The following GABRA3 variants were observed in gnomAD, a reference collection of about 807,000 sequenced individuals.
The protein encoded by GABRA3 is gamma-aminobutyric acid type A receptor subunit alpha3, also known as gamma-aminobutyric acid receptor subunit alpha-3.
GABRA3 carries 10 observed loss-of-function variants against 30.1 expected under a neutral mutation model. That is an observed-to-expected ratio of 0.33 (90% confidence interval 0.20 to 0.56). The LOEUF (loss-of-function observed/expected upper bound fraction) is 0.56, where lower values mean the gene tolerates loss of function less well. Ranked by LOEUF, GABRA3 falls within the 20% of genes least tolerant of loss-of-function variation. The probability of loss-of-function intolerance (pLI) is 0.89; values close to 1 mark genes in which losing one functional copy is unlikely to be tolerated. For synonymous variants in GABRA3, 151 were observed against 146.8 expected, an observed-to-expected ratio of 1.03 and a Z score of -0.21; for missense variants, 233 against 392.0, an observed-to-expected ratio of 0.59 and a Z score of 3.42.
chrX:152,372,726 C>T (rs778684251), intron 1 of GABRA3, among the ~76,000 whole-genome samples: 18 of 112,074 alleles, frequency 1.6e-4, no homozygotes, highest in South Asian at 7.5e-4. Context: ...ACCTTTCCCC[C>T]ATGCCCTTTC....
chrX:152,248,883 T>A (rs1408961581), intron 5 of GABRA3, among the ~76,000 whole-genome samples: 1 of 111,857 alleles, frequency 8.9e-6, no homozygotes, highest in Non-Finnish European at 1.9e-5. Flanking sequence ...TTAGCTAGAT[T>A]TAATTATTCT....
At chrX:152,180,180 A>T (rs1937126850) in intron 9 of GABRA3, among the ~76,000 whole-genome samples, 1 of 112,074 alleles carries the variant, frequency 8.9e-6, no homozygotes, top group Non-Finnish European at 1.9e-5. Flanking sequence ...GTGTGGAAGG[A>T]TTCCCTTTTC....
chrX:152,436,916 T>G (rs1401093069), intron 1 of GABRA3, among the ~76,000 whole-genome samples: 1 of 111,350 alleles, frequency 9.0e-6, no homozygotes, highest in Non-Finnish European at 1.9e-5. Context: ...GCAGAAAATA[T>G]TTCCAAAACA....
At chrX:152,332,706 C>T (rs1306999564) in intron 3 of GABRA3, among the ~76,000 whole-genome samples, 4 of 111,755 alleles carry the variant, frequency 3.6e-5, no homozygotes, top group African/African-American at 1.3e-4. Context: ...CTGTAAAAGC[C>T]CTGTTCTCTG....
intron 1 of GABRA3, among the ~76,000 whole-genome samples, chrX:152,386,592 A>G (rs1441123276): frequency 3.7e-5 from 4 of 107,935 alleles, no homozygotes; most frequent in African/African-American, 1.0e-4. Context: ...CGAAACCACA[A>G]TGAGATACCA....
intron 1 of GABRA3, among the ~76,000 whole-genome samples, chrX:152,423,239 T>A (rs1930420618): frequency 8.9e-6 from 1 of 111,971 alleles, no homozygotes; most frequent in Non-Finnish European, 1.9e-5. Flanking sequence ...TGGGCACAAA[T>A]GGTAAAGAGA....
chrX:152,236,548 T>C (rs1197863738), intron 5 of GABRA3, among the ~76,000 whole-genome samples: 1 of 97,999 alleles, frequency 1.0e-5, no homozygotes, highest in Non-Finnish European at 2.1e-5. Context: ...TTTCCAGTTC[T>C]AGATCCCTGA....
rs766560970 is a variant in GABRA3 at position 152,298,859 on chromosome X, T to C, written c.263-14124A>G. On this transcript the variant is annotated intron_variant, in intron 3 of 9. Transcript: ENST00000370314. ...CCCACCAACAGTATAAAAGTGTTCC[T>C]ATTTCTCCACATCCTCTCCAGCACC... Among the ~76,000 whole-genome samples, 23 of 112,241 alleles carry C rather than the reference T, an allele frequency of 2.0e-4. 1 individual carries two copies. In the South Asian group the frequency reaches 6.3e-3, roughly 31 times the overall value.
At chrX:152,187,725 T>C (rs1033410358) in intron 9 of GABRA3, among the ~76,000 whole-genome samples, 11 of 111,774 alleles carry the variant, frequency 9.8e-5, no homozygotes, top group African/African-American at 3.6e-4. Context: ...CAGCTACTCA[T>C]TACTATCCTG....
rs762776383 is a variant in GABRA3 at position 152,304,371 on chromosome X, C to T, written c.263-19636G>A. On this transcript the variant is annotated intron_variant, in intron 3 of 9. Transcript: ENST00000370314. ...TTTTGAGGACTTAGCCATGTATTTA[C>T]CATGGCTGATGTTGAGAAGGGTATT... Among the ~76,000 whole-genome samples the T allele has an allele frequency of 4.5e-5, 5 of 112,015 alleles. No individual in the cohort carries two copies. In the South Asian group the frequency reaches 1.9e-3, roughly 42 times the overall value.
chrX:152,416,949 C>G (rs1205870938), intron 1 of GABRA3, among the ~76,000 whole-genome samples: 1 of 105,642 alleles, frequency 9.5e-6, no homozygotes, highest in Non-Finnish European at 1.9e-5. Flanking sequence ...CTTTACCATT[C>G]AGGACATAGG....
intron 3 of GABRA3, among the ~76,000 whole-genome samples, chrX:152,292,259 C>G (rs970539759): frequency 1.8e-5 from 2 of 111,219 alleles, no homozygotes; most frequent in Non-Finnish European, 3.8e-5. Flanking sequence ...GTGTATGTGT[C>G]GAGGAATTTA....
chrX:152,417,878 G>C (rs1430113121), intron 1 of GABRA3, among the ~76,000 whole-genome samples: 6 of 76,105 alleles, frequency 7.9e-5, no homozygotes, highest in African/African-American at 3.0e-4. Flanking sequence ...ACTGTTGTGG[G>C]GTGGGGGGAG....
chrX:152,301,478 C>A (rs1758787192), intron 3 of GABRA3, among the ~76,000 whole-genome samples: 1 of 111,734 alleles, frequency 8.9e-6, no homozygotes, highest in South Asian at 3.7e-4. Flanking sequence ...TTTTTAAATT[C>A]TTTAAAATAG....
intron 1 of GABRA3, among the ~76,000 whole-genome samples, chrX:152,419,260 G>A (rs1277010185): frequency 3.6e-5 from 4 of 110,801 alleles, no homozygotes; most frequent in African/African-American, 1.3e-4. Flanking sequence ...CCTGCACGTT[G>A]TGCACATGTA....
At chrX:152,442,964 C>T (rs1481301862) in intron 1 of GABRA3, among the ~76,000 whole-genome samples, 1 of 111,242 alleles carries the variant, frequency 9.0e-6, no homozygotes, top group Non-Finnish European at 1.9e-5. Context: ...AACACGAATT[C>T]ATCAGAAGAA....
At chrX:152,280,186 T>C (rs759390401) in intron 4 of GABRA3, among the ~76,000 whole-genome samples, 2 of 111,579 alleles carry the variant, frequency 1.8e-5, no homozygotes, top group South Asian at 3.8e-4. Flanking sequence ...CCCTCTCTTA[T>C]TGGCATTGTT....
At chrX:152,221,293 T>A (rs925374674) in intron 6 of GABRA3, among the ~76,000 whole-genome samples, 1 of 110,279 alleles carries the variant, frequency 9.1e-6, no homozygotes, top group Non-Finnish European at 1.9e-5. Flanking sequence ...TTTTTGTTTA[T>A]CATGTGATGT....
At chrX:152,398,526 C>G (rs1929717187) in intron 1 of GABRA3, among the ~76,000 whole-genome samples, 1 of 111,214 alleles carries the variant, frequency 9.0e-6, no homozygotes, top group Admixed American at 9.6e-5. Context: ...TGCCACCCAT[C>G]TAACAACCTG....
Sources: allele counts gnomAD v4.1 joint callset (sites outside exome capture counted in the v4.1 genomes callset), GRCh38; gene constraint gnomAD v4.1.1; transcripts MANE v1.5; gene names NCBI Gene and HGNC (gene_info 2026-07-23, HGNC 2026-07-21).